SLC20A2: variants seen among roughly 807,000 people sequenced by gnomAD.
The protein encoded by SLC20A2 is solute carrier family 20 member 2, also known as sodium-dependent phosphate transporter 2.
In SLC20A2, 30 loss-of-function variants were observed where a neutral mutation model predicts 61.0. The ratio of observed to expected loss-of-function variants is 0.49; its 90% CI spans 0.37 to 0.67. The LOEUF (loss-of-function observed/expected upper bound fraction) is 0.67. SLC20A2 is among the 30% of genes least tolerant of loss of function. The pLI is 0.00. For synonymous variants in SLC20A2, 351 were observed against 353.3 expected (o/e 0.99, Z 0.07); for missense variants, 626 against 866.4 (o/e 0.72, Z 3.48).
At chr8:42,428,180 C>A (rs531394011) in intron 10 of SLC20A2, among the ~76,000 whole-genome samples, 28 of 152,328 alleles carry the variant, frequency 1.8e-4, no homozygotes, top group African/African-American at 6.5e-4. Flanking sequence ...CCCTGCAGCT[C>A]CAACTTTCCA....
chr8:42,506,986 G>A (rs900689497), intron 1 of SLC20A2, among the ~76,000 whole-genome samples: 2 of 152,176 alleles, frequency 1.3e-5, no homozygotes, highest in African/African-American at 4.8e-5. Flanking sequence ...CATGGAGTGG[G>A]GATGCACCAT....
At position 42,464,092 on chromosome 8, in the gene SLC20A2, CTTTTTTTTT is replaced by C. The variant is rs1170751054; in HGVS notation, c.431-1011_431-1003del. Among the ~76,000 whole-genome samples, 161 of 20,552 alleles carry C rather than the reference CTTTTTTTTT, an allele frequency of 7.8e-3. 2 individuals are homozygous for C. Among genetic ancestry groups the C allele is most frequent in the East Asian group, 0.02 (9 of 460 alleles). 13.5% of individuals were successfully genotyped at this position (20,552 alleles called of 152,430 possible). ...CTTCCCAAAGGGCAGGCTGGATGAT[CTTTTTTTTT>C]TTTTTTTTTTTTTTTTTTTTTTGAG... is the stretch of plus-strand genomic sequence containing the variant. On this transcript the variant is annotated intron_variant, in intron 3 of 10. Transcript: ENST00000520262.
In SLC20A2 at chr8:42,459,986, G is replaced by T. The variant is rs764781739; in HGVS notation, c.523C>A (p.Pro175Thr). 6.2e-6 allele frequency: 10 copies of T among 1,601,656 alleles called. No individual in the cohort carries two copies. In the South Asian group the frequency reaches 1.1e-4, roughly 18 times the overall value. ...IRIFILKKED[P>T]VPNGLRALPV... ...AGTGCCCGGAGGCCATTGGGAACAG[G>T]GTCTTCCTGTAGGAAGACAAGGAGA... Residue 175 changes from proline to threonine, a missense_variant, in exon 5 of 11, where the codon CCT becomes ACT. This residue lies in a region of SLC20A2 where 361 missense variants were observed against 422.3 expected (regional missense o/e 0.85). Coordinates refer to ENST00000520262, the MANE Select transcript of SLC20A2 (RefSeq NM_001257180.2).
At chr8:42,454,063 G>C (rs1449794655) in intron 5 of SLC20A2, among the ~76,000 whole-genome samples, 1 of 152,054 alleles carries the variant, frequency 6.6e-6, no homozygotes, top group African/African-American at 2.4e-5. Flanking sequence ...GAGTGCAGTG[G>C]TGCAATCTCA....
intron 6 of SLC20A2, among the ~76,000 whole-genome samples, chr8:42,440,497 C>A (rs1764748625): frequency 6.6e-6 from 1 of 152,168 alleles, no homozygotes; most frequent in Admixed American, 6.5e-5. Context: ...GAGTAGTATT[C>A]AAATGTACAA....
chr8:42,490,903 T>A (rs1364675256), intron 1 of SLC20A2, among the ~76,000 whole-genome samples: 1 of 151,820 alleles, frequency 6.6e-6, no homozygotes, highest in Non-Finnish European at 1.5e-5. Flanking sequence ...AAAACCTTTA[T>A]AACAGATGAG....
rs558583635 is a variant in SLC20A2 at position 42,444,113 on chromosome 8, C to T, written c.730+533G>A. ...TTGTATACAAGTCTTTTTATGAACA[C>T]GTTTTCATTTCTTTGGATAAATAGC... is the stretch of plus-strand genomic sequence containing the variant. On this transcript the variant is annotated intron_variant, in intron 6 of 10. Transcript: ENST00000520262. 7.6e-4 allele frequency among the ~76,000 whole-genome samples: 116 copies of T among 152,282 alleles called. 1 individual carries two copies. Among genetic ancestry groups the T allele is most frequent in the African/African-American group, 2.6e-3 (108 of 41,546 alleles).
intron 8 of SLC20A2, 95 bp downstream of exon 8, chr8:42,436,894 G>A (rs1383119932): frequency 9.7e-6 from 11 of 1,136,288 alleles, no homozygotes; most frequent in African/African-American, 3.1e-5. Flanking sequence ...GACTTCCATC[G>A]GTGCCGTTCA....
At chr8:42,541,350 C>G (rs1335238427) in intron 1 of SLC20A2, 1 of 148,180 alleles carries the variant, frequency 6.7e-6, no homozygotes, top group African/African-American at 2.4e-5. Context: ...GGCCCCCACC[C>G]GCGGGAGCCC....
Position 42,465,289 on chromosome 8 carries a change from T to C in SLC20A2, c.430+488A>G, listed in dbSNP as rs574221347. Among the ~76,000 whole-genome samples the C allele has an allele frequency of 1.0e-3, 152 of 151,904 alleles. 4 individuals are homozygous for C. Among genetic ancestry groups the C allele is most frequent in the Non-Finnish European group, 5.0e-4 (34 of 67,936 alleles). On this transcript the variant is annotated intron_variant, in intron 3 of 10. Transcript: ENST00000520262. ...CCAGGCTGGTCTTGAACTCCTGACC[T>C]CAGGTGATCTGCCTGCCTTGGCCTC...
chr8:42,465,177 C>G (rs1807056363), intron 3 of SLC20A2, among the ~76,000 whole-genome samples: 2 of 151,718 alleles, frequency 1.3e-5, no homozygotes, highest in South Asian at 4.2e-4. Flanking sequence ...CCTGCCTCAG[C>G]CTCCCTAGTA....
At chr8:42,512,366 TTGGAGA>T (rs1811079926) in intron 1 of SLC20A2, among the ~76,000 whole-genome samples, 1 of 151,598 alleles carries the variant, frequency 6.6e-6, no homozygotes, top group South Asian at 2.1e-4. Context: ...TTTTTTTTTT[TTGGAGA>T]TGGAGTCTCA....
chr8:42,444,026 C>T (rs1293305539), intron 6 of SLC20A2, among the ~76,000 whole-genome samples: 2 of 152,144 alleles, frequency 1.3e-5, no homozygotes, highest in African/African-American at 2.4e-5. Context: ...AATTTGGTTA[C>T]CCATTTGCCT....
chr8:42,437,204 G>T lies in SLC20A2; in HGVS notation c.1308C>A (p.Tyr436Ter). The T allele has an allele frequency of 6.2e-7, 1 of 1,613,698 alleles. No homozygotes were observed. The highest frequency in any genetic ancestry group is 8.5e-7 in the Non-Finnish European group (1 of 1,180,046). Reference protein sequence around the residue: ...KRLRYDSYSSYCNAVAEAEIE... With the variant: ...KRLRYDSYSS ...TCTCCGCCTCTGCCACCGCGTTACA[G>T]TAGCTCGAGTAGCTGTCGTAGCGCA... Residue 436 changes from tyrosine (Y) to a stop codon, truncating the protein, a stop_gained, in exon 8 of 11, where the codon TAC (tyrosine) becomes TAA (stop). Transcript: ENST00000520262. LOFTEE classifies it high-confidence loss of function. This position sits in a 1 kb window ranked among gnomAD's most constrained non-coding sequence, Gnocchi z 6.4.
chr8:42,516,507 A>G (rs544352152), intron 1 of SLC20A2, among the ~76,000 whole-genome samples: 154 of 152,286 alleles, frequency 1.0e-3, no homozygotes, highest in African/African-American at 3.2e-3. Context: ...AGCGCATCCT[A>G]TTGCTGGAGA....
intron 5 of SLC20A2, among the ~76,000 whole-genome samples, chr8:42,446,505 A>T (rs1226067633): frequency 6.6e-6 from 1 of 152,238 alleles, no homozygotes; most frequent in Non-Finnish European, 1.5e-5. Context: ...TATATGCATC[A>T]TTATGAAAAT....
At chr8:42,524,663 G>A (rs1811803915) in intron 1 of SLC20A2, among the ~76,000 whole-genome samples, 1 of 152,068 alleles carries the variant, frequency 6.6e-6, no homozygotes, top group East Asian at 1.9e-4. Context: ...GCGAGCGCCT[G>A]TAATCCCAGC....
chr8:42,428,959 G>A (rs1803636670), intron 9 of SLC20A2, 117 bp from the exon 10 acceptor site: 1 of 739,568 alleles, frequency 1.4e-6, no homozygotes, highest in African/African-American at 1.9e-5. Context: ...CTGCTGACTG[G>A]GCAAGATCAA....
At chr8:42,507,716 G>C (rs1179230124) in intron 1 of SLC20A2, among the ~76,000 whole-genome samples, 2 of 152,186 alleles carry the variant, frequency 1.3e-5, no homozygotes, top group African/African-American at 4.8e-5. Flanking sequence ...TGACAGTTCT[G>C]CCTTTAAGAG....
Sources: allele counts gnomAD v4.1 joint callset (sites outside exome capture counted in the v4.1 genomes callset), GRCh38; gene constraint gnomAD v4.1.1; regional missense constraint gnomAD v4.1.1; non-coding constraint Gnocchi (gnomAD v3.1); transcripts MANE v1.5; gene names NCBI Gene and HGNC (gene_info 2026-07-23, HGNC 2026-07-21).